The following TMEM267 variants were observed in gnomAD, a reference collection of about 807,000 sequenced individuals.
TMEM267 encodes the protein transmembrane protein 267, also known as transmembrane protein C5orf28.
In TMEM267, 20 loss-of-function variants were observed where a neutral mutation model predicts 19.3. The ratio of observed to expected loss-of-function variants is 1.04; its 90% CI spans 0.73 to 1.51. The LOEUF is 1.51. Among genes scored for constraint, TMEM267 ranks in the 40% most tolerant of loss-of-function variants. The pLI is 0.00. For missense variants in TMEM267, 242 were observed against 261.9 expected (o/e 0.92, Z 0.52); for synonymous variants, 88 against 90.3 (o/e 0.97, Z 0.15).
chr5:43,473,816 A>C (rs1744231510), intron 1 of TMEM267, among the ~76,000 whole-genome samples: 1 of 152,218 alleles, frequency 6.6e-6, no homozygotes, highest in African/African-American at 2.4e-5. Flanking sequence ...AGACAATCCT[A>C]AGCAAAAGGA....
intron 1 of TMEM267, among the ~76,000 whole-genome samples, chr5:43,457,000 CAT>C (rs1342400033): frequency 4.6e-5 from 7 of 152,104 alleles, no homozygotes; most frequent in Non-Finnish European, 8.8e-5. Flanking sequence ...TGTCCACAAA[CAT>C]GTGAATAAAC....
intron 1 of TMEM267, among the ~76,000 whole-genome samples, chr5:43,472,974 C>CA (rs1269528795): frequency 6.6e-6 from 1 of 151,698 alleles, no homozygotes; most frequent in African/African-American, 2.4e-5. Context: ...CCTGTCTCTA[C>CA]AAAAAATACA....
At chr5:43,449,027 AAAAC>A (rs1483050357) in intron 2 of TMEM267, among the ~76,000 whole-genome samples, 1 of 152,102 alleles carries the variant, frequency 6.6e-6, no homozygotes, top group African/African-American at 2.4e-5. Context: ...AAAAAAAACA[AAAAC>A]AATCTAATAA....
chr5:43,453,980 A>G lies in TMEM267; in HGVS notation c.-11T>C, dbSNP rs751366891. 10 of 1,606,934 alleles carry G rather than the reference A, an allele frequency of 6.2e-6. No individual in the cohort carries two copies. In the Middle Eastern group the frequency reaches 5.0e-4, roughly 80 times the overall value. On this transcript the variant is annotated 5_prime_UTR_variant, in exon 2 of 3. Transcript: ENST00000397080. ...AGTCTCGGATGCCATGACAAACAAT[A>G]TGTTAGTATAGACTAAAAGCCATCA...
intron 2 of TMEM267, among the ~76,000 whole-genome samples, chr5:43,448,594 T>C (rs1323922583): frequency 6.6e-6 from 1 of 152,042 alleles, no homozygotes. Context: ...CTGACCAACA[T>C]GAAGAAACCC....
chr5:43,449,511 A>T (rs1297898175), intron 2 of TMEM267, among the ~76,000 whole-genome samples: 1 of 152,192 alleles, frequency 6.6e-6, no homozygotes, highest in Non-Finnish European at 1.5e-5. Flanking sequence ...GCCCATCTGA[A>T]AAAACTGACT....
chr5:43,453,430 G>A lies in TMEM267; in HGVS notation c.312+228C>T, dbSNP rs143190153. ...GCACTGAACTCTTTAGGTACAGTTC[G>A]TGGGTCTTTGCTCTATGTGAATCCA... On this transcript the variant is annotated intron_variant, in intron 2 of 2. Transcript: ENST00000397080. Among the ~76,000 whole-genome samples the A allele has an allele frequency of 2.4e-3, 360 of 152,306 alleles. 4 individuals are homozygous for A. The highest frequency in any genetic ancestry group is 3.3e-3 in the Non-Finnish European group (223 of 68,016).
At chr5:43,451,361 G>C (rs1430170714) in intron 2 of TMEM267, among the ~76,000 whole-genome samples, 6 of 152,040 alleles carry the variant, frequency 3.9e-5, no homozygotes, top group Non-Finnish European at 8.8e-5. Context: ...TTTGAAAAAG[G>C]GCTCATATCC....
intron 1 of TMEM267, among the ~76,000 whole-genome samples, chr5:43,469,097 T>G (rs556592029): frequency 1.6e-4 from 25 of 152,252 alleles, no homozygotes; most frequent in South Asian, 4.1e-4. Flanking sequence ...TTTACAGCTA[T>G]AAATGCCTAC....
At chr5:43,466,508 G>T (rs1391136815) in intron 1 of TMEM267, among the ~76,000 whole-genome samples, 6 of 152,130 alleles carry the variant, frequency 3.9e-5, no homozygotes, top group Non-Finnish European at 7.4e-5. Flanking sequence ...GCTAAAGGGA[G>T]AACTTCAGTC....
At chr5:43,463,596 C>T (rs1476858614) in intron 1 of TMEM267, among the ~76,000 whole-genome samples, 1 of 152,190 alleles carries the variant, frequency 6.6e-6, no homozygotes, top group East Asian at 1.9e-4. Flanking sequence ...CCACCATGAT[C>T]CAGCCCACCA....
chr5:43,447,680 A>G (rs1197943871), intron 2 of TMEM267, among the ~76,000 whole-genome samples: 1 of 152,220 alleles, frequency 6.6e-6, no homozygotes. Context: ...GAGAATGCCC[A>G]TATTTGAAAT....
At chr5:43,450,824 T>G (rs534514653) in intron 2 of TMEM267, among the ~76,000 whole-genome samples, 56 of 152,272 alleles carry the variant, frequency 3.7e-4, no homozygotes, top group Non-Finnish European at 6.0e-4. Context: ...TTTATTGTTT[T>G]TTTTGTTTTG....
intron 1 of TMEM267, among the ~76,000 whole-genome samples, chr5:43,467,904 T>TG (rs575640001): frequency 2.2e-3 from 340 of 151,658 alleles, no homozygotes; most frequent in Admixed American, 2.8e-3. Context: ...AGCCCTCAGT[T>TG]GGGGGGGGCC....
At chr5:43,456,941 G>A (rs1372251067) in intron 1 of TMEM267, among the ~76,000 whole-genome samples, 2 of 152,200 alleles carry the variant, frequency 1.3e-5, no homozygotes, top group Non-Finnish European at 2.9e-5. Flanking sequence ...ACACATGAAT[G>A]TTCATAGCAG....
At chr5:43,458,421 A>G (rs752360118) in intron 1 of TMEM267, among the ~76,000 whole-genome samples, 1 of 152,232 alleles carries the variant, frequency 6.6e-6, no homozygotes, top group Non-Finnish European at 1.5e-5. Flanking sequence ...GTTTTTAAAA[A>G]GAGTGCATAG....
At chr5:43,478,832 A>T (rs143572538) in intron 1 of TMEM267, among the ~76,000 whole-genome samples, 340 of 152,286 alleles carry the variant, frequency 2.2e-3, no homozygotes, top group African/African-American at 7.8e-3. Context: ...TCAATGTAAG[A>T]CTGACAAAAG....
intron 1 of TMEM267, among the ~76,000 whole-genome samples, chr5:43,465,193 A>G (rs1477977446): frequency 3.9e-5 from 6 of 152,344 alleles, no homozygotes; most frequent in South Asian, 2.1e-4. Flanking sequence ...GCAGCCAAAA[A>G]ACACATGAAA....
intron 1 of TMEM267, among the ~76,000 whole-genome samples, chr5:43,473,427 T>A: frequency 6.6e-6 from 1 of 152,178 alleles, no homozygotes; most frequent in South Asian, 2.1e-4. Context: ...ACAAAATCAA[T>A]GCGCAAAAAT....
Sources: gnomAD v4.1 joint callset for allele counts (sites outside exome capture counted in the v4.1 genomes callset) on GRCh38, gnomAD v4.1.1 for gene constraint, MANE v1.5 for transcripts, NCBI Gene and HGNC (gene_info 2026-07-23, HGNC 2026-07-21) for gene names.